Variants in SUFU observed in about 807,000 individuals in gnomAD.
SUFU encodes the protein SUFU negative regulator of hedgehog signaling.
SUFU carries 7 observed loss-of-function variants against 58.9 expected under a neutral mutation model. The ratio of observed to expected loss-of-function variants is 0.12; its 90% CI spans 0.07 to 0.22. The LOEUF (loss-of-function observed/expected upper bound fraction) is 0.22. SUFU is among the 10% of genes least tolerant of loss of function. The pLI is 1.00. For synonymous variants in SUFU, 232 were observed against 254.8 expected (o/e 0.91, Z 0.85); for missense variants, 451 against 641.3 (o/e 0.70, Z 3.20).
intron 2 of SUFU, among the ~76,000 whole-genome samples, chr10:102,530,341 CAACTT>C (rs933005720): frequency 3.3e-5 from 5 of 152,114 alleles, no homozygotes; most frequent in African/African-American, 1.2e-4. Context: ...CCTCACTTCC[CAACTT>C]CCCTGTCTCT....
chr10:102,585,405 G>T (rs186667112), intron 3 of SUFU, among the ~76,000 whole-genome samples: 1 of 152,184 alleles, frequency 6.6e-6, no homozygotes, highest in East Asian at 1.9e-4. Flanking sequence ...TTAGTATTTT[G>T]TTCCTTTTTA....
At chr10:102,520,325 C>G (rs1471301490) in intron 2 of SUFU, among the ~76,000 whole-genome samples, 2 of 147,186 alleles carry the variant, frequency 1.4e-5, no homozygotes, top group Non-Finnish European at 3.0e-5. Flanking sequence ...TCAAGTGATT[C>G]TCCTGCCTCA....
At chr10:102,545,395 A>G (rs1056213509) in intron 2 of SUFU, among the ~76,000 whole-genome samples, 3 of 151,120 alleles carry the variant, frequency 2.0e-5, no homozygotes, top group Admixed American at 1.3e-4. Flanking sequence ...CGGTCCCCCA[A>G]AGTGCTGGTA....
chr10:102,508,682 C>T (rs1450303871), intron 1 of SUFU, among the ~76,000 whole-genome samples: 3 of 152,218 alleles, frequency 2.0e-5, no homozygotes, highest in Non-Finnish European at 4.4e-5. Flanking sequence ...ACAATATAGT[C>T]TTTCAGGAAT....
intron 2 of SUFU, among the ~76,000 whole-genome samples, chr10:102,511,138 GTAATAATAA>G (rs55690435): frequency 2.1e-5 from 3 of 143,884 alleles, no homozygotes; most frequent in East Asian, 2.0e-4. Flanking sequence ...AAAAAAAAAA[GTAATAATAA>G]TAATAATAAT....
intron 2 of SUFU, among the ~76,000 whole-genome samples, chr10:102,541,875 A>ATTT (rs58231037): frequency 1.6e-3 from 140 of 86,512 alleles, no homozygotes; most frequent in East Asian, 7.0e-3. Flanking sequence ...TGCCCGGCTA[A>ATTT]TTTTTTTTTT....
intron 2 of SUFU, among the ~76,000 whole-genome samples, chr10:102,522,367 A>T (rs1478125179): frequency 6.6e-6 from 1 of 152,056 alleles, no homozygotes; most frequent in Non-Finnish European, 1.5e-5. Context: ...TGTTGCTTTT[A>T]TTGTTATTTT....
chr10:102,598,243 C>A (rs1402495188), intron 7 of SUFU, among the ~76,000 whole-genome samples: 1 of 152,058 alleles, frequency 6.6e-6, no homozygotes, highest in Non-Finnish European at 1.5e-5. Flanking sequence ...ACCTCTGCTT[C>A]CCAGGCTGAA....
chr10:102,625,214 G>A lies in SUFU; in HGVS notation c.1297-1961G>A, dbSNP rs1177097231. Among the ~76,000 whole-genome samples the A allele has an allele frequency of 6.6e-6, 1 of 152,168 alleles. No individual in the cohort carries two copies. Among genetic ancestry groups the A allele is most frequent in the Admixed American group, 6.5e-5 (1 of 15,278 alleles). ...TGTGAGAGGGAGTACGTGTATGGCT[G>A]GAGTCTGTGGGCAGAGTCGGCCAGT... On this transcript the variant is annotated intron_variant, in intron 10 of 11. Coordinates refer to ENST00000369902, the MANE Select transcript of SUFU (RefSeq NM_016169.4). The surrounding 1 kb of genome is among the most constrained non-coding windows in gnomAD (Gnocchi z 4.7).
intron 2 of SUFU, among the ~76,000 whole-genome samples, chr10:102,524,386 T>C (rs1589990519): frequency 6.8e-6 from 1 of 147,174 alleles, no homozygotes; most frequent in African/African-American, 2.5e-5. Context: ...AGTGCAGTGG[T>C]GCAATCTCGG....
chr10:102,620,862 T>C (rs2063734094), intron 10 of SUFU, among the ~76,000 whole-genome samples: 1 of 152,184 alleles, frequency 6.6e-6, no homozygotes. Context: ...TGAAGGGGGA[T>C]AAGTCTCAGC....
rs1312190379 is a variant in SUFU at position 102,617,342 on chromosome 10, A to G, written c.1210A>G (p.Met404Val). 2 of 1,614,224 alleles carry G rather than the reference A, an allele frequency of 1.2e-6. No individual in the cohort carries two copies. The highest frequency in any genetic ancestry group is 2.2e-5 in the East Asian group (1 of 44,882). The change falls in exon 10 of 12, where the codon ATG (methionine) becomes GTG (valine). Residue 404 changes from methionine (M) to valine (V), a missense_variant. Coordinates refer to ENST00000369902, the MANE Select transcript of SUFU (RefSeq NM_016169.4). The surrounding 1 kb of genome is among the most constrained non-coding windows in gnomAD (Gnocchi z 4.4). ...HFTYKSITGD[M>V]AITFVSTGVE... ...TACATATAAAAGTATCACAGGTGAC[A>G]TGGCCATCACGTTTGTCTCCACGGG... is the stretch of plus-strand genomic sequence containing the variant.
intron 3 of SUFU, among the ~76,000 whole-genome samples, chr10:102,559,370 TC>T (rs11341508): frequency 0.45 from 68,944 of 151,906 alleles, 16,042 homozygotes; most frequent in East Asian, 0.68. Context: ...GGCAAAACAC[TC>T]CCCACCTAAG....
At chr10:102,562,651 G>A (rs948658724) in intron 3 of SUFU, among the ~76,000 whole-genome samples, 1 of 152,230 alleles carries the variant, frequency 6.6e-6, no homozygotes, top group African/African-American at 2.4e-5. Context: ...AGCACTTTGG[G>A]AGGCTGAAGC....
At chr10:102,529,893 C>T (rs986460416) in intron 2 of SUFU, among the ~76,000 whole-genome samples, 4 of 150,908 alleles carry the variant, frequency 2.7e-5, no homozygotes, top group South Asian at 4.2e-4. Context: ...TGCAGTGAGC[C>T]GAGATCGCGC....
chr10:102,595,587 C>G (rs1322786844), intron 6 of SUFU, among the ~76,000 whole-genome samples: 1 of 12,616 alleles, frequency 7.9e-5, no homozygotes, highest in African/African-American at 3.4e-4. Flanking sequence ...CCTTCCATGC[C>G]AAGGGCTGTT....
chr10:102,516,416 GC>G (rs2062471343), intron 2 of SUFU, among the ~76,000 whole-genome samples: 1 of 152,024 alleles, frequency 6.6e-6, no homozygotes, highest in Non-Finnish European at 1.5e-5. Context: ...TGGGTGCATG[GC>G]TTCATCCTTT....
In SUFU at chr10:102,631,958, A is replaced by G. The variant is rs1005469580; in HGVS notation, c.*1803A>G. 4.3e-6 allele frequency: 1 copy of G among 233,214 alleles called. No homozygotes were observed. Among genetic ancestry groups the G allele is most frequent in the Admixed American group, 5.6e-5 (1 of 17,782 alleles). The allele number at this position is 233,214 out of a possible 1,614,324, so 14.4% of individuals were successfully genotyped here. On this transcript the variant is annotated 3_prime_UTR_variant, in exon 12 of 12. Transcript: ENST00000369902. ...CTGAGGACTTACCAGAGGGAGCCCT[A>G]CTGGCCTTCCCCCACCACAGCAGCC...
chr10:102,592,265 C>CTT (rs1210552832), intron 3 of SUFU, among the ~76,000 whole-genome samples: 7 of 152,202 alleles, frequency 4.6e-5, no homozygotes, highest in African/African-American at 1.7e-4. Context: ...ATGGCTCCTG[C>CTT]CTCCCACCAT....
Sources: allele counts gnomAD v4.1 joint callset (sites outside exome capture counted in the v4.1 genomes callset), GRCh38; gene constraint gnomAD v4.1.1; non-coding constraint Gnocchi (gnomAD v3.1); transcripts MANE v1.5; gene names NCBI Gene and HGNC (gene_info 2026-07-23, HGNC 2026-07-21).